Variants in SESTD1 observed in about 807,000 individuals in gnomAD.
The protein encoded by SESTD1 is SEC14 and spectrin domain containing 1.
SESTD1 carries 43 observed loss-of-function variants against 101.7 expected under a neutral mutation model. The ratio of observed to expected loss-of-function variants is 0.42; its 90% confidence interval spans 0.33 to 0.55. The LOEUF is 0.55. Among genes scored for constraint, SESTD1 ranks in the 20% least tolerant of loss-of-function variants. The pLI, the probability that SESTD1 is intolerant of heterozygous loss-of-function variation, is 0.07. For synonymous variants in SESTD1, 283 were observed against 286.8 expected, an observed-to-expected ratio of 0.99 and a Z score of 0.13; for missense variants, 647 against 815.1, an observed-to-expected ratio of 0.79 and a Z score of 2.51.
intron 9 of SESTD1, among the ~76,000 whole-genome samples, chr2:179,141,033 C>T (rs1354465940): frequency 3.3e-5 from 5 of 152,162 alleles, no homozygotes; most frequent in African/African-American, 4.8e-5. Context: ...ACTTTCTCTT[C>T]GGACAATTTT....
chr2:179,227,380 C>T (rs1434868615), intron 1 of SESTD1, among the ~76,000 whole-genome samples: 1 of 152,132 alleles, frequency 6.6e-6, no homozygotes, highest in African/African-American at 2.4e-5. Flanking sequence ...CCACTAACCT[C>T]TCACTTGGCA....
intron 15 of SESTD1, among the ~76,000 whole-genome samples, chr2:179,115,565 T>C (rs559963837): frequency 1.4e-4 from 21 of 151,988 alleles, no homozygotes; most frequent in South Asian, 4.2e-4. Context: ...CTGGCCAACA[T>C]AGCAAGATCC....
intron 1 of SESTD1, among the ~76,000 whole-genome samples, chr2:179,249,690 A>G (rs1268897664): frequency 2.0e-5 from 3 of 152,178 alleles, no homozygotes; most frequent in Non-Finnish European, 4.4e-5. Context: ...AGGCAAAAAA[A>G]GAATACCTAA....
chr2:179,102,131 C>G lies in SESTD1; in HGVS notation c.*7768G>C, dbSNP rs2044286307. ...GGAACAATGGAAATTTCACCACTGT[C>G]TATTATGGTGAGAACCTATTTCTGA... On this transcript the variant is annotated 3_prime_UTR_variant, in exon 18 of 18. Transcript: ENST00000428443. 6.6e-6 allele frequency: 1 copy of G among 152,134 alleles called. No individual in the cohort carries two copies. The highest frequency in any genetic ancestry group is 2.1e-4 in the South Asian group (1 of 4,834). The allele number at this position is 152,134 out of a possible 1,614,324, so 9.4% of individuals were successfully genotyped here. A position where few individuals can be genotyped will look rare whatever the true frequency, so the allele number is the denominator to read the frequency against.
chr2:179,121,653 A>G (rs2044753661), intron 13 of SESTD1, 117 bp downstream of exon 13: 1 of 748,418 alleles, frequency 1.3e-6, no homozygotes, highest in South Asian at 4.3e-5. Flanking sequence ...AAAACCTACT[A>G]CATGTCTTCT....
chr2:179,162,201 A>G (rs1479753657), intron 5 of SESTD1, among the ~76,000 whole-genome samples: 1 of 152,100 alleles, frequency 6.6e-6, no homozygotes, highest in Non-Finnish European at 1.5e-5. Context: ...AATCTCCCAA[A>G]CTAGTCAACT....
intron 2 of SESTD1, among the ~76,000 whole-genome samples, chr2:179,185,909 A>G (rs1438216169): frequency 7.3e-6 from 1 of 136,710 alleles, no homozygotes; most frequent in Admixed American, 7.7e-5. Context: ...TATATTATAT[A>G]CAATATATAA....
chr2:179,181,857 G>A (rs992164284), intron 3 of SESTD1, among the ~76,000 whole-genome samples: 2 of 152,018 alleles, frequency 1.3e-5, no homozygotes, highest in Non-Finnish European at 2.9e-5. Flanking sequence ...CAGCTTGGGG[G>A]ATTAGCAAGA....
chr2:179,181,770 T>C (rs1004587123), intron 3 of SESTD1, among the ~76,000 whole-genome samples: 2 of 152,274 alleles, frequency 1.3e-5, no homozygotes, highest in Non-Finnish European at 2.9e-5. Flanking sequence ...TTTCATAATT[T>C]GTAAGCTATA....
intron 1 of SESTD1, among the ~76,000 whole-genome samples, chr2:179,218,875 C>G (rs769545749): frequency 1.3e-5 from 2 of 152,140 alleles, no homozygotes; most frequent in African/African-American, 4.8e-5. Context: ...TGACAGAAGT[C>G]CAGGCAGTGG....
At chr2:179,166,800 T>G (rs980531741) in intron 5 of SESTD1, among the ~76,000 whole-genome samples, 24 of 152,154 alleles carry the variant, frequency 1.6e-4, no homozygotes, top group African/African-American at 5.8e-4. Context: ...AAAGTAACTC[T>G]AGAGAAATGA....
intron 1 of SESTD1, among the ~76,000 whole-genome samples, chr2:179,227,520 TC>T (rs1313756669): frequency 6.6e-6 from 1 of 152,168 alleles, no homozygotes; most frequent in Non-Finnish European, 1.5e-5. Flanking sequence ...CCATCCACTA[TC>T]ACTATACTCT....
At chr2:179,182,848 G>C (rs2046139476) in intron 3 of SESTD1, among the ~76,000 whole-genome samples, 1 of 152,002 alleles carries the variant, frequency 6.6e-6, no homozygotes, top group African/African-American at 2.4e-5. Context: ...TTCCTTAAAA[G>C]TCGACAATAC....
At chr2:179,148,910 A>G (rs904425987) in intron 7 of SESTD1, among the ~76,000 whole-genome samples, 2 of 151,866 alleles carry the variant, frequency 1.3e-5, no homozygotes, top group African/African-American at 2.4e-5. Context: ...AATACAAAAA[A>G]TTAGCCGGGC....
chr2:179,123,884 T>A (rs952290799), intron 11 of SESTD1, 55 bp from the exon 12 acceptor site: 15 of 1,307,542 alleles, frequency 1.1e-5, no homozygotes, highest in Non-Finnish European at 1.5e-5. Flanking sequence ...ATCTAAAGTG[T>A]TTAATGATTA....
rs1344648386 is a variant in SESTD1 at position 179,201,055 on chromosome 2, T to A, written c.-25-9189A>T. Among the ~76,000 whole-genome samples, 4 of 133,606 alleles carry A rather than the reference T, an allele frequency of 3.0e-5. 1 individual carries two copies. The South Asian group carries it at 1.1e-3, about 38-fold the overall frequency. 87.7% of individuals were successfully genotyped at this position (133,606 alleles called of 152,430 possible). A position where few individuals can be genotyped will look rare whatever the true frequency, so the allele number is the denominator to read the frequency against. On this transcript the variant is annotated intron_variant, in intron 1 of 17. Transcript: ENST00000428443. ...AAGGGCTAATATCCAGAATCTACAA[T>A]GAACTCCAACAAATTTACAAGAAAA...
intron 5 of SESTD1, among the ~76,000 whole-genome samples, chr2:179,156,133 C>CGTATATAT (rs1217153948): frequency 6.6e-6 from 1 of 151,024 alleles, no homozygotes; most frequent in Non-Finnish European, 1.5e-5. Context: ...TGTGTATATA[C>CGTATATAT]GTATATATGT....
intron 5 of SESTD1, among the ~76,000 whole-genome samples, chr2:179,153,492 ACTCT>A (rs895110013): frequency 6.6e-6 from 1 of 151,430 alleles, no homozygotes; most frequent in Admixed American, 6.6e-5. Flanking sequence ...ACACACACAC[ACTCT>A]CTCGCTCTCT....
At chr2:179,237,794 G>C (rs964998480) in intron 1 of SESTD1, among the ~76,000 whole-genome samples, 1 of 152,082 alleles carries the variant, frequency 6.6e-6, no homozygotes, top group Non-Finnish European at 1.5e-5. Context: ...CTGCTCATCA[G>C]AGACTCCATG....
Sources: gnomAD v4.1 joint callset for allele counts (sites outside exome capture counted in the v4.1 genomes callset) on GRCh38, gnomAD v4.1.1 for gene constraint, MANE v1.5 for transcripts, NCBI Gene and HGNC (gene_info 2026-07-23, HGNC 2026-07-21) for gene names.